TENM4: variants seen among roughly 807,000 people sequenced by gnomAD.
TENM4 encodes the protein teneurin transmembrane protein 4, also known as teneurin-4.
TENM4 carries 82 observed loss-of-function variants against 243.3 expected under a neutral mutation model. That is an observed-to-expected ratio of 0.34 (90% CI 0.28 to 0.40). TENM4 has a LOEUF of 0.40. Ranked by LOEUF, TENM4 falls within the 10% of genes least tolerant of loss-of-function variation. The probability of loss-of-function intolerance (pLI) is 1.00; values close to 1 mark genes in which losing one functional copy is unlikely to be tolerated. For synonymous variants in TENM4, 1,412 were observed against 1,456.3 expected, an observed-to-expected ratio of 0.97 and a Z score of 0.69; for missense variants, 3,138 against 3,673.3, an observed-to-expected ratio of 0.85 and a Z score of 3.77.
At chr11:78,660,103 G>A (rs567420443) in intron 33 of TENM4, among the ~76,000 whole-genome samples, 45 of 152,202 alleles carry the variant, frequency 3.0e-4, no homozygotes, top group Admixed American at 9.2e-4. Context: ...GGAGCCTGGT[G>A]AGGGAGGAGG....
At chr11:79,304,335 G>A (rs181468538) in intron 1 of TENM4, among the ~76,000 whole-genome samples, 67 of 152,346 alleles carry the variant, frequency 4.4e-4, no homozygotes, top group Admixed American at 2.2e-3. Context: ...TGAGATGGAA[G>A]TATCTACTCT....
chr11:78,699,977 G>C (rs1859065901), intron 28 of TENM4, among the ~76,000 whole-genome samples: 1 of 152,180 alleles, frequency 6.6e-6, no homozygotes, highest in African/African-American at 2.4e-5. Flanking sequence ...CAAGATAATT[G>C]CTGTTTTCCT....
chr11:79,035,064 G>T (rs1437330736), intron 6 of TENM4, among the ~76,000 whole-genome samples: 1 of 152,118 alleles, frequency 6.6e-6, no homozygotes, highest in Non-Finnish European at 1.5e-5. Context: ...CCTTTGAGTT[G>T]GCCTAAACCT....
At chr11:79,116,351 G>A (rs963704154) in intron 4 of TENM4, among the ~76,000 whole-genome samples, 2 of 152,200 alleles carry the variant, frequency 1.3e-5, no homozygotes, top group Non-Finnish European at 2.9e-5. Context: ...CAGCTAGTAA[G>A]GAGTAAAGCT....
In TENM4 at chr11:79,140,285, CT is replaced by C. The variant is rs547007249; in HGVS notation, c.-66+8424del. The stretch of plus-strand genomic sequence containing the variant: ...CAAGCCTCTTGAGATTTGAAACCTT[CT>C]TTGAAGACATACCATCCCCTTCCCT... On this transcript the variant is annotated intron_variant, in intron 4 of 33. Coordinates refer to ENST00000278550, the MANE Select transcript of TENM4 (RefSeq NM_001098816.3). Among the ~76,000 whole-genome samples, 445 of 152,178 alleles carry C rather than the reference CT, an allele frequency of 2.9e-3. 3 individuals are homozygous for C. The highest frequency in any genetic ancestry group is 0.01 in the African/African-American group (418 of 41,556).
intron 6 of TENM4, among the ~76,000 whole-genome samples, chr11:79,056,322 TCCTTTTCCTC>T (rs1340611325): frequency 6.6e-6 from 1 of 152,116 alleles, no homozygotes; most frequent in Non-Finnish European, 1.5e-5. Context: ...CTCTGAGCCT[TCCTTTTCCTC>T]CCTTTCCCTT....
chr11:79,400,754 T>C (rs1463392091), intron 1 of TENM4, among the ~76,000 whole-genome samples: 2 of 152,218 alleles, frequency 1.3e-5, no homozygotes, highest in African/African-American at 2.4e-5. Context: ...AAACACACAA[T>C]TGAAGTTTGC....
At chr11:79,172,555 A>G (rs1863068874) in intron 3 of TENM4, among the ~76,000 whole-genome samples, 1 of 152,070 alleles carries the variant, frequency 6.6e-6, no homozygotes, top group Admixed American at 6.6e-5. Context: ...TGCAAGTTAT[A>G]TCCCACGTGG....
At chr11:78,667,011 C>T (rs1858174927) in intron 32 of TENM4, among the ~76,000 whole-genome samples, 1 of 152,000 alleles carries the variant, frequency 6.6e-6, no homozygotes, top group Non-Finnish European at 1.5e-5. Context: ...CAGTAACCTG[C>T]CAAGACATCT....
intron 1 of TENM4, among the ~76,000 whole-genome samples, chr11:79,317,561 C>T (rs530869678): frequency 8.8e-4 from 134 of 151,998 alleles, no homozygotes; most frequent in Non-Finnish European, 1.5e-3. Context: ...ATTTGACAAA[C>T]AATAGGGTGA....
At chr11:79,309,905 C>G (rs1856690419) in intron 1 of TENM4, among the ~76,000 whole-genome samples, 1 of 152,252 alleles carries the variant, frequency 6.6e-6, no homozygotes, top group South Asian at 2.1e-4. Flanking sequence ...GTTCCCCCAT[C>G]TCTGGCCATG....
chr11:79,116,850 G>A (rs10793361), intron 4 of TENM4, among the ~76,000 whole-genome samples: 98,456 of 152,080 alleles, frequency 0.65, 33,935 homozygotes, highest in Non-Finnish European at 0.8. Context: ...AGATGATACT[G>A]TCTACCCCAC....
At chr11:79,329,082 G>A (rs181662936) in intron 1 of TENM4, among the ~76,000 whole-genome samples, 5 of 152,352 alleles carry the variant, frequency 3.3e-5, no homozygotes, top group African/African-American at 1.2e-4. Context: ...TTCAGAAGCA[G>A]CTAAGCTGTT....
intron 14 of TENM4, 107 bp from the exon 15 acceptor site, chr11:78,805,599 G>A: frequency 1.5e-6 from 2 of 1,309,078 alleles, no homozygotes; most frequent in Non-Finnish European, 2.1e-6. Context: ...ATACATTCTG[G>A]CAGAAGGATG....
At chr11:79,148,363 A>G (rs1412433880) in intron 4 of TENM4, among the ~76,000 whole-genome samples, 5 of 152,074 alleles carry the variant, frequency 3.3e-5, no homozygotes, top group Admixed American at 6.6e-5. Context: ...GTGGGGAGAT[A>G]CCAACCTCCA....
chr11:78,881,687 C>A (rs1019897014), intron 9 of TENM4, among the ~76,000 whole-genome samples: 2 of 152,194 alleles, frequency 1.3e-5, no homozygotes, highest in African/African-American at 4.8e-5. Flanking sequence ...TGCCTGAATA[C>A]TTCCATTGCC....
intron 12 of TENM4, among the ~76,000 whole-genome samples, chr11:78,842,691 C>T (rs909514300): frequency 1.3e-5 from 2 of 152,238 alleles, no homozygotes; most frequent in African/African-American, 4.8e-5. Flanking sequence ...CAAGCGCATA[C>T]ATGAGAGAGG....
chr11:79,416,581 C>A (rs983359943), intron 1 of TENM4, among the ~76,000 whole-genome samples: 1 of 152,038 alleles, frequency 6.6e-6, no homozygotes, highest in African/African-American at 2.4e-5. Context: ...AAGGTACAAC[C>A]CTACTATGTG....
In TENM4 at chr11:79,281,727, G is replaced by C. The variant is rs138050290; in HGVS notation, c.-265+15761C>G. Among the ~76,000 whole-genome samples the C allele has an allele frequency of 4.0e-3, 610 of 152,302 alleles. 5 individuals are homozygous for C. The highest frequency in any genetic ancestry group is 0.014 in the African/African-American group (577 of 41,576). ...TTCTGCAAGGGCTACAATGGCCTTT[G>C]TCACCAAATCTCATATCAATTCTGC... On this transcript the variant is annotated intron_variant, in intron 2 of 33. Transcript: ENST00000278550.
Sources: gnomAD v4.1 joint callset for allele counts (sites outside exome capture counted in the v4.1 genomes callset) on GRCh38, gnomAD v4.1.1 for gene constraint, MANE v1.5 for transcripts, NCBI Gene and HGNC (gene_info 2026-07-23, HGNC 2026-07-21) for gene names.